The following GLIS3 variants were observed in gnomAD, a reference collection of about 807,000 sequenced individuals.
The protein encoded by GLIS3 is GLIS family zinc finger 3.
Under a neutral mutation model 78.6 loss-of-function variants are expected in GLIS3, and 53 were observed. The ratio of observed to expected loss-of-function variants is 0.67; its 90% CI spans 0.54 to 0.85. The LOEUF (loss-of-function observed/expected upper bound fraction) is 0.85. GLIS3 is among the 40% of genes least tolerant of loss of function. GLIS3 has a pLI of 0.00. For missense variants in GLIS3, 1,703 were observed against 1,231.1 expected, an observed-to-expected ratio of 1.38 and a Z score of -5.74; for synonymous variants, 684 against 509.9, an observed-to-expected ratio of 1.34 and a Z score of -4.60.
chr9:4,175,235 T>C (rs748085773), intron 2 of GLIS3, among the ~76,000 whole-genome samples: 3 of 152,186 alleles, frequency 2.0e-5, no homozygotes, highest in Non-Finnish European at 4.4e-5. Flanking sequence ...GCAAATGCAC[T>C]GAAGGTAATA....
At chr9:4,084,469 G>T (rs776198698) in intron 4 of GLIS3, among the ~76,000 whole-genome samples, 1 of 152,134 alleles carries the variant, frequency 6.6e-6, no homozygotes, top group Non-Finnish European at 1.5e-5. Flanking sequence ...TGGTGGAGAA[G>T]AAACAGCCAC....
chr9:4,225,324 G>T (rs13302568), intron 2 of GLIS3, among the ~76,000 whole-genome samples: 6,916 of 152,184 alleles, frequency 0.045, 200 homozygotes, highest in East Asian at 0.069. Context: ...GTATAGACCT[G>T]CTAGTCAAAA....
intron 1 of GLIS3, among the ~76,000 whole-genome samples, chr9:4,286,941 A>C (rs1294998837): frequency 6.6e-6 from 1 of 152,206 alleles, no homozygotes; most frequent in African/African-American, 2.4e-5. Flanking sequence ...TCCAGTAAAC[A>C]ACCACAAAGC....
rs369677580 is a variant in GLIS3 at position 3,926,233 on chromosome 9, G to GTTTTTTT, written c.1983+6120_1983+6126dup. ...CGACTAAAGCAATGCTTTTTCTTTT[G>GTTTTTTT]TTTTTTTTTTTTTCTTTGACGGAGT... On this transcript the variant is annotated intron_variant, in intron 6 of 10. Coordinates refer to ENST00000381971, the MANE Select transcript of GLIS3 (RefSeq NM_001042413.2). Among the ~76,000 whole-genome samples, 2 of 135,154 alleles carry GTTTTTTT rather than the reference G, an allele frequency of 1.5e-5. 1 individual carries two copies. The highest frequency in any genetic ancestry group is 1.5e-4 in the Admixed American group (2 of 13,386). 88.7% of individuals were successfully genotyped at this position (135,154 alleles called of 152,430 possible). A position where few individuals can be genotyped will look rare whatever the true frequency, so the allele number is the denominator to read the frequency against.
At chr9:4,132,487 G>T (rs1833051990) in intron 2 of GLIS3, among the ~76,000 whole-genome samples, 1 of 152,162 alleles carries the variant, frequency 6.6e-6, no homozygotes, top group African/African-American at 2.4e-5. Context: ...TTTTAAAAAT[G>T]ACATAGATAC....
intron 2 of GLIS3, among the ~76,000 whole-genome samples, chr9:4,127,302 A>G (rs889285209): frequency 2.6e-5 from 4 of 152,212 alleles, no homozygotes; most frequent in Non-Finnish European, 5.9e-5. Flanking sequence ...CTGTGTGCTT[A>G]AATTTAGGCT....
intron 2 of GLIS3, among the ~76,000 whole-genome samples, chr9:4,213,638 A>G (rs1437089822): frequency 6.6e-6 from 1 of 152,230 alleles, no homozygotes; most frequent in Non-Finnish European, 1.5e-5. Context: ...CACACTAGAC[A>G]TTACATTTTG....
At chr9:4,056,181 G>T (rs553215351) in intron 4 of GLIS3, among the ~76,000 whole-genome samples, 1 of 152,338 alleles carries the variant, frequency 6.6e-6, no homozygotes, top group Admixed American at 6.5e-5. Context: ...TGCAATAGCA[G>T]GGTGTCCTGC....
intron 9 of GLIS3, among the ~76,000 whole-genome samples, chr9:3,843,232 C>T (rs1245259221): frequency 6.6e-6 from 1 of 152,200 alleles, no homozygotes; most frequent in Non-Finnish European, 1.5e-5. Flanking sequence ...GAATCCGAGT[C>T]TGTTATTACA....
At chr9:4,180,411 G>A (rs927269608) in intron 2 of GLIS3, among the ~76,000 whole-genome samples, 6 of 152,164 alleles carry the variant, frequency 3.9e-5, no homozygotes, top group African/African-American at 9.7e-5. Flanking sequence ...GGCTTGGGCT[G>A]TTTAGCTGCT....
chr9:4,435,661 T>A, the GLIS3 span, among the ~76,000 whole-genome samples: 1 of 152,196 alleles, frequency 6.6e-6, no homozygotes, highest in Admixed American at 6.5e-5. Context: ...ACAAAAATCT[T>A]CCCCTAGGCC....
At chr9:4,229,121 G>C (rs554888657) in intron 2 of GLIS3, among the ~76,000 whole-genome samples, 1 of 152,230 alleles carries the variant, frequency 6.6e-6, no homozygotes, top group Non-Finnish European at 1.5e-5. Flanking sequence ...CTACCACTGA[G>C]GAAAAAGGTA....
At chr9:4,319,739 A>C (rs897242063) in intron 2 of GLIS3, among the ~76,000 whole-genome samples, 2 of 152,130 alleles carry the variant, frequency 1.3e-5, no homozygotes, top group Non-Finnish European at 2.9e-5. Flanking sequence ...TATGTTGCCC[A>C]GGATGGTTTT....
chr9:4,320,850 T>C (rs1300377601), intron 2 of GLIS3, among the ~76,000 whole-genome samples: 1 of 152,196 alleles, frequency 6.6e-6, no homozygotes, highest in Non-Finnish European at 1.5e-5. Context: ...TCCATATTCA[T>C]TCTGGTCTCT....
chr9:4,030,512 C>A (rs939153674), intron 4 of GLIS3, among the ~76,000 whole-genome samples: 14 of 152,136 alleles, frequency 9.2e-5, no homozygotes, highest in African/African-American at 3.4e-4. Context: ...GAAATCTCTG[C>A]CAAGACCAAT....
the GLIS3 span, among the ~76,000 whole-genome samples, chr9:4,403,256 A>G: frequency 2.6e-5 from 4 of 152,186 alleles, no homozygotes; most frequent in Non-Finnish European, 2.9e-5. Context: ...TTTCCAGACA[A>G]ACAAAAGCTG....
At chr9:4,298,127 G>A (rs374635247) in intron 1 of GLIS3, among the ~76,000 whole-genome samples, 84 of 152,234 alleles carry the variant, frequency 5.5e-4, no homozygotes, top group South Asian at 1.0e-3. Flanking sequence ...AGTGAGTCGG[G>A]GGCCGAAAGG....
intron 2 of GLIS3, among the ~76,000 whole-genome samples, chr9:4,139,853 T>C (rs1310218599): frequency 6.6e-6 from 1 of 152,198 alleles, no homozygotes; most frequent in African/African-American, 2.4e-5. Flanking sequence ...GCTTGGGCTG[T>C]AATGCCCACT....
chr9:3,973,351 T>G (rs1464808295), intron 4 of GLIS3, among the ~76,000 whole-genome samples: 1 of 150,868 alleles, frequency 6.6e-6, no homozygotes, highest in Non-Finnish European at 1.5e-5. Context: ...TTGACTGATA[T>G]TGTGTGTCCC....
Sources: gnomAD v4.1 joint callset for allele counts (sites outside exome capture counted in the v4.1 genomes callset) on GRCh38, gnomAD v4.1.1 for gene constraint, MANE v1.5 for transcripts, NCBI Gene and HGNC (gene_info 2026-07-23, HGNC 2026-07-21) for gene names.